ZBTB16: variants seen among roughly 807,000 people sequenced by gnomAD.
ZBTB16 encodes zinc finger and BTB domain-containing protein 16.
In ZBTB16, 8 loss-of-function variants were observed where a neutral mutation model predicts 56.8. That is an observed-to-expected ratio of 0.14 (90% CI 0.08 to 0.25). The LOEUF is 0.25. Among genes scored for constraint, ZBTB16 ranks in the 10% least tolerant of loss-of-function variants. The pLI is 1.00. For synonymous variants in ZBTB16, 363 were observed against 368.5 expected, an observed-to-expected ratio of 0.98 and a Z score of 0.17; for missense variants, 625 against 903.0, an observed-to-expected ratio of 0.69 and a Z score of 3.95.
At chr11:114,156,304 C>T in intron 2 of ZBTB16, 33 bp from the exon 3 acceptor site, 1 of 1,609,462 alleles carries the variant, frequency 6.2e-7, no homozygotes. Context: ...CCAGCCAGAG[C>T]AGCAGCAACC....
At chr11:114,119,926 T>G (rs1186946182) in intron 2 of ZBTB16, among the ~76,000 whole-genome samples, 2 of 152,180 alleles carry the variant, frequency 1.3e-5, no homozygotes, top group Non-Finnish European at 2.9e-5. Flanking sequence ...TAGCATTCAG[T>G]GAGGAAAGCT....
In ZBTB16 at chr11:114,208,897, C is replaced by T. The variant is rs189231205; in HGVS notation, c.1453+21859C>T. Among the ~76,000 whole-genome samples, 8 of 152,230 alleles carry T rather than the reference C, an allele frequency of 5.3e-5. No individual in the cohort carries two copies. In the South Asian group the frequency reaches 1.2e-3, roughly 24 times the overall value. ...GAAAGGTATCTTAAGGTTTTTGATT[C>T]GGCGTCATCCGAATGGGTCAATGAG... is the stretch of plus-strand genomic sequence containing the variant. On this transcript the variant is annotated intron_variant, in intron 4 of 6. Transcript: ENST00000335953.
chr11:114,192,963 C>T (rs1315582362), intron 4 of ZBTB16, among the ~76,000 whole-genome samples: 1 of 152,218 alleles, frequency 6.6e-6, no homozygotes, highest in Non-Finnish European at 1.5e-5. Flanking sequence ...GGATGAGCAG[C>T]TGTGGAGGCT....
chr11:114,090,997 G>A (rs1340512542), intron 2 of ZBTB16, among the ~76,000 whole-genome samples: 2 of 152,180 alleles, frequency 1.3e-5, no homozygotes, highest in Non-Finnish European at 2.9e-5. Flanking sequence ...CAGTGTGTGT[G>A]TAGTGGGATG....
At chr11:114,109,546 G>A (rs1181349694) in intron 2 of ZBTB16, among the ~76,000 whole-genome samples, 1 of 152,122 alleles carries the variant, frequency 6.6e-6, no homozygotes, top group Non-Finnish European at 1.5e-5. Context: ...CCATTGCCCC[G>A]ATCAGGAATG....
chr11:114,078,530 G>A (rs1939648978), intron 2 of ZBTB16, among the ~76,000 whole-genome samples: 1 of 152,196 alleles, frequency 6.6e-6, no homozygotes, highest in South Asian at 2.1e-4. Context: ...GCTAAAGCTA[G>A]GAACCCAGCT....
chr11:114,111,610 G>C (rs1043186375), intron 2 of ZBTB16, among the ~76,000 whole-genome samples: 4 of 152,158 alleles, frequency 2.6e-5, no homozygotes, highest in Non-Finnish European at 5.9e-5. Context: ...TAGAACCTCA[G>C]CCAAGGCAAA....
intron 3 of ZBTB16, among the ~76,000 whole-genome samples, chr11:114,178,963 C>T (rs1943182745): frequency 6.6e-6 from 1 of 152,180 alleles, no homozygotes; most frequent in African/African-American, 2.4e-5. Context: ...TTCTGTTGCT[C>T]AGCCCAGGAG....
At chr11:114,119,074 G>C (rs1015023862) in intron 2 of ZBTB16, among the ~76,000 whole-genome samples, 1 of 151,892 alleles carries the variant, frequency 6.6e-6, no homozygotes, top group African/African-American at 2.4e-5. Context: ...AGACCAGCCT[G>C]GTCAACATGG....
intron 4 of ZBTB16, among the ~76,000 whole-genome samples, chr11:114,194,642 G>A (rs1388213771): frequency 1.3e-5 from 2 of 152,174 alleles, no homozygotes; most frequent in Non-Finnish European, 2.9e-5. Context: ...TTAACAGCTA[G>A]GCAGTTCCCG....
At chr11:114,208,837 G>A (rs1362986684) in intron 4 of ZBTB16, among the ~76,000 whole-genome samples, 1 of 152,228 alleles carries the variant, frequency 6.6e-6, no homozygotes, top group Non-Finnish European at 1.5e-5. Context: ...CAGTAATTAA[G>A]TATTCAGTGT....
chr11:114,186,414 CT>C, intron 3 of ZBTB16, among the ~76,000 whole-genome samples: 1 of 152,224 alleles, frequency 6.6e-6, no homozygotes, highest in Non-Finnish European at 1.5e-5. Context: ...GAGTTTGGAC[CT>C]TGTTCTCCAG....
At chr11:114,061,293 G>A (rs1214418053) in intron 1 of ZBTB16, 2 of 151,612 alleles carry the variant, frequency 1.3e-5, no homozygotes, top group African/African-American at 4.8e-5. Flanking sequence ...CTGCCCGTGG[G>A]CGCCCAGATT....
At chr11:114,190,730 TACACACACACACAC>T (rs746167648) in intron 4 of ZBTB16, among the ~76,000 whole-genome samples, 15 of 143,502 alleles carry the variant, frequency 1.0e-4, no homozygotes, top group African/African-American at 3.5e-4. Context: ...CTCTCTCTCA[TACACACACACACAC>T]ACACACACAC....
chr11:114,241,193 A>G (rs2135197654), intron 4 of ZBTB16, among the ~76,000 whole-genome samples: 1 of 152,190 alleles, frequency 6.6e-6, no homozygotes, highest in Admixed American at 6.5e-5. Context: ...TGTTGAGTGA[A>G]TGGACCTAAG....
chr11:114,079,114 G>C (rs200485643), intron 2 of ZBTB16, among the ~76,000 whole-genome samples: 1 of 103,516 alleles, frequency 9.7e-6, no homozygotes, highest in African/African-American at 3.5e-5. Flanking sequence ...AAAAAAAAAA[G>C]AAGAAGAAGA....
chr11:114,207,600 C>G (rs997817587), intron 4 of ZBTB16, among the ~76,000 whole-genome samples: 6 of 148,850 alleles, frequency 4.0e-5, no homozygotes, highest in African/African-American at 1.3e-4. Flanking sequence ...AACACACACA[C>G]ACACACACAC....
chr11:114,187,421 C>T lies in ZBTB16; in HGVS notation c.1453+383C>T, dbSNP rs60991053. ...ACACCCATCTGATGAAACTGAAACC[C>T]TCGTGTGGCCACAGTTGGCTGGTCC... On this transcript the variant is annotated intron_variant, in intron 4 of 6. Transcript: ENST00000335953. The T allele has an allele frequency of 4.6e-3, 1,263 of 272,916 alleles. 15 individuals are homozygous for T. The highest frequency in any genetic ancestry group is 0.025 in the African/African-American group (1,139 of 45,636). The allele number at this position is 272,916 out of a possible 1,614,324, so 16.9% of individuals were successfully genotyped here.
At chr11:114,234,166 T>C (rs1944515014) in intron 4 of ZBTB16, among the ~76,000 whole-genome samples, 1 of 152,186 alleles carries the variant, frequency 6.6e-6, no homozygotes, top group African/African-American at 2.4e-5. Context: ...CTTCCATGAT[T>C]CTACGCAGAT....
Sources: gnomAD v4.1 joint callset for allele counts (sites outside exome capture counted in the v4.1 genomes callset) on GRCh38, gnomAD v4.1.1 for gene constraint, MANE v1.5 for transcripts, NCBI Gene and HGNC (gene_info 2026-07-23, HGNC 2026-07-21) for gene names.